The following SEC14L4 variants were observed in gnomAD, a reference collection of about 807,000 sequenced individuals.
The protein encoded by SEC14L4 is SEC14 like lipid binding 4, also known as SEC14-like protein 4.
Under a neutral mutation model 55.1 loss-of-function variants are expected in SEC14L4, and 42 were observed. That is an observed-to-expected ratio of 0.76 (90% CI 0.60 to 0.99). The LOEUF (loss-of-function observed/expected upper bound fraction) is 0.99, where lower values mean the gene tolerates loss of function less well. SEC14L4 is among the 50% of genes least tolerant of loss of function. The pLI is 0.00. For missense variants in SEC14L4, 445 were observed against 512.1 expected, an observed-to-expected ratio of 0.87 and a Z score of 1.27; for synonymous variants, 206 against 206.8, an observed-to-expected ratio of 1.00 and a Z score of 0.03.
intron 2 of SEC14L4, among the ~76,000 whole-genome samples, chr22:30,502,557 T>C (rs1936363388): frequency 6.6e-6 from 1 of 152,122 alleles, no homozygotes; most frequent in Non-Finnish European, 1.5e-5. Flanking sequence ...CAGTGTCTGT[T>C]ATTATTATTT....
chr22:30,501,832 TAC>T (rs1331625394), intron 2 of SEC14L4, among the ~76,000 whole-genome samples: 11 of 118,556 alleles, frequency 9.3e-5, no homozygotes, highest in South Asian at 2.8e-4. Flanking sequence ...TATATATATA[TAC>T]ACACACACGC....
At chr22:30,503,777 C>A in intron 1 of SEC14L4, 25 bp from the exon 2 acceptor site, 1 of 1,605,674 alleles carries the variant, frequency 6.2e-7, no homozygotes, top group Non-Finnish European at 8.5e-7. Flanking sequence ...ATCTGATGGT[C>A]GGCGGAGCTC....
chr22:30,501,832 T>TACACACAC (rs1331625394), intron 2 of SEC14L4, among the ~76,000 whole-genome samples: 6 of 118,568 alleles, frequency 5.1e-5, no homozygotes, highest in Non-Finnish European at 5.0e-5. Flanking sequence ...TATATATATA[T>TACACACAC]ACACACACAC....
intron 6 of SEC14L4, 129 bp downstream of exon 6, chr22:30,494,737 C>T: frequency 1.5e-6 from 1 of 648,782 alleles, no homozygotes; most frequent in Non-Finnish European, 2.8e-6. Context: ...GCATCATTGG[C>T]TGGTCTGTGG....
chr22:30,496,797 C>T (rs1341265209), intron 2 of SEC14L4, among the ~76,000 whole-genome samples: 1 of 152,218 alleles, frequency 6.6e-6, no homozygotes, highest in African/African-American at 2.4e-5. Context: ...CAATACCTGG[C>T]TCACAGTAGG....
chr22:30,505,580 TG>T lies in SEC14L4; in HGVS notation c.31del (p.Gln11SerfsTer110). 1.9e-6 allele frequency: 3 copies of T among 1,570,786 alleles called. No individual in the cohort carries two copies. The highest frequency in any genetic ancestry group is 1.7e-6 in the Non-Finnish European group (2 of 1,161,102). On this transcript the variant is annotated frameshift_variant, in exon 1 of 12. Coordinates refer to ENST00000255858, the MANE Select transcript of SEC14L4 (RefSeq NM_174977.4). LOFTEE classifies it high-confidence loss of function. MSSRVGDLSP[Q>X]QQEALARFRE... ...CACCCTGGCCAGCGCTTCCTGCTGC[TG>T]GGGGCTCAGGTCCCCGACTCGGCTG...
At chr22:30,504,472 A>C (rs1372755319) in intron 1 of SEC14L4, among the ~76,000 whole-genome samples, 1 of 152,192 alleles carries the variant, frequency 6.6e-6, no homozygotes, top group African/African-American at 2.4e-5. Flanking sequence ...GCAAGTTACC[A>C]AACCTCTCTA....
chr22:30,505,254 C>A (rs1436885294), intron 1 of SEC14L4, among the ~76,000 whole-genome samples: 1 of 152,180 alleles, frequency 6.6e-6, no homozygotes, highest in East Asian at 1.9e-4. Flanking sequence ...CAAGGCTGCC[C>A]CCGCAGCCGG....
intron 2 of SEC14L4, among the ~76,000 whole-genome samples, chr22:30,501,844 C>CATATATATATATATAT (rs1568949238): frequency 2.0e-5 from 1 of 50,282 alleles, no homozygotes; most frequent in Admixed American, 3.0e-4. Context: ...CACACACACG[C>CATATATATATATATAT]ACATATATAT....
intron 1 of SEC14L4, 53 bp from the exon 2 acceptor site, chr22:30,503,805 A>G (rs1601860027): frequency 7.0e-7 from 1 of 1,425,494 alleles, no homozygotes; most frequent in Non-Finnish European, 9.8e-7. Flanking sequence ...CTCGGGGGCC[A>G]CCAACCCCGC....
Position 30,494,863 on chromosome 22 carries a change from T to A in SEC14L4, c.519+3A>T. 6.2e-7 allele frequency: 1 copy of A among 1,610,368 alleles called. No individual in the cohort carries two copies. Among genetic ancestry groups the A allele is most frequent in the Non-Finnish European group, 8.5e-7 (1 of 1,177,026 alleles). The stretch of plus-strand genomic sequence containing the variant: ...CCAGCCCCAAGCCAGCCACCCACCT[T>A]ACCTGCTGGTAGACCTCCACAGCTG... On this transcript the variant is annotated splice_donor_region_variant and intron_variant, in intron 6 of 11. Transcript: ENST00000255858.
Position 30,489,944 on chromosome 22 carries a change from C to G in SEC14L4, c.*163G>C, listed in dbSNP as rs2146155262. 1 of 1,552,102 alleles carries G rather than the reference C, an allele frequency of 6.4e-7. No individual in the cohort carries two copies. The highest frequency in any genetic ancestry group is 2.4e-5 in the East Asian group (1 of 40,920). ...TGGGCTATGCACTGGTGGCCCCTTC[C>G]TGCTTGGCCACTGTGCCAGGTGAGC... On this transcript the variant is annotated 3_prime_UTR_variant, in exon 12 of 12. Transcript: ENST00000255858.
chr22:30,492,847 G>T, intron 7 of SEC14L4: 1 of 336,060 alleles, frequency 3.0e-6, no homozygotes, highest in South Asian at 3.3e-5. Context: ...ACTTTGGGAG[G>T]CTGAGGTAGG....
Position 30,494,204 on chromosome 22 carries a change from T to TA in SEC14L4, c.525dup (p.Ser176Ter), listed in dbSNP as rs1271901247. 1 of 1,613,298 alleles carries TA rather than the reference T, an allele frequency of 6.2e-7. No individual in the cohort carries two copies. Among genetic ancestry groups the TA allele is most frequent in the African/African-American group, 1.3e-5 (1 of 75,014 alleles). ...TCAGGATAATTTGCTTCCAGGATGC[T>TA]AAAAAACTGTGGAGTCAAGATGAGT... On this transcript the variant is annotated frameshift_variant, in exon 7 of 12. Coordinates refer to ENST00000255858, the MANE Select transcript of SEC14L4 (RefSeq NM_174977.4). LOFTEE classifies it high-confidence loss of function.
chr22:30,505,080 C>T (rs923444508), intron 1 of SEC14L4, among the ~76,000 whole-genome samples: 44 of 148,538 alleles, frequency 3.0e-4, no homozygotes, highest in African/African-American at 8.5e-4. Context: ...TGCAGTGAAC[C>T]GAGATTGCGC....
At chr22:30,502,469 C>T (rs987229515) in intron 2 of SEC14L4, among the ~76,000 whole-genome samples, 1 of 152,232 alleles carries the variant, frequency 6.6e-6, no homozygotes, top group Non-Finnish European at 1.5e-5. Flanking sequence ...TGACTCCTGA[C>T]TTCTCACTCA....
At position 30,490,245 on chromosome 22, in the gene SEC14L4, A is replaced by G; in HGVS notation, c.1083T>C (p.Tyr361=). 1 of 1,612,980 alleles carries G rather than the reference A, an allele frequency of 6.2e-7. No homozygotes were observed. Among genetic ancestry groups the G allele is most frequent in the Non-Finnish European group, 8.5e-7 (1 of 1,180,016 alleles). Residue 361 remains tyrosine (Y), a splice_region_variant and synonymous_variant, in exon 12 of 12, where the codon TAT becomes TAC. Transcript: ENST00000255858. Reference sequence around the variant, plus strand: ...TGTAGGTGTTGTCGAAGCGCAGGACATCTGCAGTGATGGAGAGGTGATCAG... The same window carrying G: ...TGTAGGTGTTGTCGAAGCGCAGGACGTCTGCAGTGATGGAGAGGTGATCAG... The part of the protein sequence containing the change: ...GSLTCLQAGV[Y]VLRFDNTYSR...
At chr22:30,490,407 G>C in intron 11 of SEC14L4, 161 bp from the exon 12 acceptor site, 1 of 1,213,748 alleles carries the variant, frequency 8.2e-7, no homozygotes. Flanking sequence ...AGGACAGTGG[G>C]TGGGGCCTGA....
intron 7 of SEC14L4, 132 bp downstream of exon 7, chr22:30,494,018 C>T (rs1601845497): frequency 1.4e-6 from 1 of 697,672 alleles, no homozygotes; most frequent in Non-Finnish European, 2.5e-6. Flanking sequence ...ACTAACTAAC[C>T]AGAAACCAAC....
Sources: allele counts gnomAD v4.1 joint callset (sites outside exome capture counted in the v4.1 genomes callset), GRCh38; gene constraint gnomAD v4.1.1; transcripts MANE v1.5; gene names NCBI Gene and HGNC (gene_info 2026-07-23, HGNC 2026-07-21).